The following CRYBG3 variants were observed in gnomAD, a reference collection of about 807,000 sequenced individuals.
CRYBG3 encodes the protein crystallin beta-gamma domain containing 3.
Under a neutral mutation model 244.2 loss-of-function variants are expected in CRYBG3, and 127 were observed. The observed-to-expected ratio is 0.52, with a 90% CI of 0.45 to 0.60. The LOEUF (loss-of-function observed/expected upper bound fraction) is 0.60. Among genes scored for constraint, CRYBG3 ranks in the 20% least tolerant of loss-of-function variants. CRYBG3 has a pLI of 0.00. For missense variants in CRYBG3, 3,325 were observed against 3,442.5 expected (o/e 0.97, Z 0.85); for synonymous variants, 1,132 against 1,195.8 (o/e 0.95, Z 1.10).
chr3:97,903,463 A>G (rs982373997), intron 15 of CRYBG3, among the ~76,000 whole-genome samples: 1 of 152,194 alleles, frequency 6.6e-6, no homozygotes, highest in African/African-American at 2.4e-5. Context: ...AATATATAAC[A>G]CTACAATATG....
At chr3:97,828,840 A>T (rs1559710600) in intron 1 of CRYBG3, among the ~76,000 whole-genome samples, 1 of 151,568 alleles carries the variant, frequency 6.6e-6, no homozygotes, top group African/African-American at 2.4e-5. Flanking sequence ...AAAAAAAAAA[A>T]AAAAATAACA....
intron 3 of CRYBG3, among the ~76,000 whole-genome samples, chr3:97,869,346 T>C (rs1175373522): frequency 1.3e-5 from 2 of 152,164 alleles, no homozygotes; most frequent in Non-Finnish European, 2.9e-5. Context: ...GTATGAAGTA[T>C]CACTACATTA....
chr3:97,870,676 C>T (rs2039292150), intron 3 of CRYBG3, among the ~76,000 whole-genome samples: 1 of 152,064 alleles, frequency 6.6e-6, no homozygotes, highest in Admixed American at 6.6e-5. Context: ...TTGATTATCA[C>T]ATATAAGAAT....
At position 97,892,919 on chromosome 3, in the gene CRYBG3, A is replaced by G; in HGVS notation, c.7500A>G (p.Ile2500Met). Residue 2500 changes from isoleucine (I) to methionine (M), a missense_variant, in exon 11 of 22, where the codon ATA becomes ATG. Transcript: ENST00000389622. ...AGGCTAAAGAGTTTAGTGAACATAT[A>G]GATTCTGTTCCTAATTTTTTGAAAA... ...HGQAKEFSEHIDSVPNFLKNN... is the reference protein window; with the variant it reads ...HGQAKEFSEHMDSVPNFLKNN... 1 of 1,581,894 alleles carries G rather than the reference A, an allele frequency of 6.3e-7. No individual in the cohort carries two copies. The highest frequency in any genetic ancestry group is 1.1e-5 in the South Asian group (1 of 88,246).
At chr3:97,909,539 T>C (rs2039836336) in intron 15 of CRYBG3, among the ~76,000 whole-genome samples, 1 of 151,826 alleles carries the variant, frequency 6.6e-6, no homozygotes, top group Admixed American at 6.6e-5. Flanking sequence ...GTTGATTGCA[T>C]TGGCTCCTGA....
At chr3:97,851,591 C>A (rs1351754153) in intron 2 of CRYBG3, among the ~76,000 whole-genome samples, 1 of 152,026 alleles carries the variant, frequency 6.6e-6, no homozygotes, top group Non-Finnish European at 1.5e-5. Flanking sequence ...CAAAGATACA[C>A]AGTAGTGTGA....
At chr3:97,886,053 A>G (rs571271079) in intron 7 of CRYBG3, among the ~76,000 whole-genome samples, 2 of 152,284 alleles carry the variant, frequency 1.3e-5, no homozygotes, top group African/African-American at 2.4e-5. Context: ...TAAAGGGTCA[A>G]TTTCATAATG....
chr3:97,879,463 G>A (rs947237422), intron 4 of CRYBG3, among the ~76,000 whole-genome samples: 4 of 152,128 alleles, frequency 2.6e-5, no homozygotes, highest in Non-Finnish European at 5.9e-5. Flanking sequence ...GCTTAGTAGA[G>A]CTATGCAAAT....
intron 2 of CRYBG3, among the ~76,000 whole-genome samples, chr3:97,845,186 C>T (rs532657714): frequency 6.6e-6 from 1 of 152,152 alleles, no homozygotes; most frequent in South Asian, 2.1e-4. Flanking sequence ...GCAGCATTTC[C>T]CAGTTGATCA....
chr3:97,838,511 G>T (rs189701829), intron 1 of CRYBG3, among the ~76,000 whole-genome samples: 1 of 152,066 alleles, frequency 6.6e-6, no homozygotes, highest in Non-Finnish European at 1.5e-5. Flanking sequence ...TTCCTTGACA[G>T]TCGGGCCCAG....
chr3:97,864,966 A>G, intron 3 of CRYBG3, among the ~76,000 whole-genome samples: 1 of 152,128 alleles, frequency 6.6e-6, no homozygotes, highest in East Asian at 1.9e-4. Flanking sequence ...TTTCGGGGAA[A>G]ATGGTCCTCA....
chr3:97,929,280 T>C (rs1184448789), intron 17 of CRYBG3, among the ~76,000 whole-genome samples: 1 of 152,012 alleles, frequency 6.6e-6, no homozygotes, highest in Non-Finnish European at 1.5e-5. Context: ...AAATATTTTT[T>C]TTTTTATGCT....
chr3:97,893,220 C>T (rs1397544068), intron 11 of CRYBG3, among the ~76,000 whole-genome samples: 1 of 152,166 alleles, frequency 6.6e-6, no homozygotes, highest in African/African-American at 2.4e-5. Flanking sequence ...GAAACTGCAG[C>T]ACCTTGTATT....
At chr3:97,853,815 T>C (rs1026457124) in intron 2 of CRYBG3, among the ~76,000 whole-genome samples, 2 of 150,588 alleles carry the variant, frequency 1.3e-5, no homozygotes, top group Middle Eastern at 3.4e-3. Flanking sequence ...TTGATTTGCA[T>C]TTCCCTGATA....
At chr3:97,857,542 T>C (rs940823334) in intron 2 of CRYBG3, among the ~76,000 whole-genome samples, 1 of 151,978 alleles carries the variant, frequency 6.6e-6, no homozygotes, top group Non-Finnish European at 1.5e-5. Context: ...CCGTCTTGAG[T>C]GCATGTAGAT....
At position 97,874,102 on chromosome 3, in the gene CRYBG3, T is replaced by C; in HGVS notation, c.2908T>C (p.Ser970Pro). The change falls in exon 4 of 22, where the codon TCT becomes CCT. Residue 970 changes from serine (S) to proline (P), a missense_variant. Ser to Pro is a moderately conservative substitution (Grantham distance 74). Around this residue, in one of 4 missense-constraint regions of CRYBG3, gnomAD observed 1,526 missense variants for 1,443.2 expected, o/e 1.06. Transcript: ENST00000389622. Reference protein sequence around the residue: ...CEAHTCVFHQSLDICGTKKIS... With the variant: ...CEAHTCVFHQPLDICGTKKIS... The stretch of plus-strand genomic sequence containing the variant: ...AGCTCACACTTGTGTGTTTCATCAA[T>C]CTTTGGATATTTGTGGGACTAAAAA... 2 of 1,535,652 alleles carry C rather than the reference T, an allele frequency of 1.3e-6. No individual in the cohort carries two copies. The highest frequency in any genetic ancestry group is 8.7e-7 in the Non-Finnish European group (1 of 1,146,756).
At chr3:97,849,790 G>A (rs1382594396) in intron 2 of CRYBG3, among the ~76,000 whole-genome samples, 1 of 152,170 alleles carries the variant, frequency 6.6e-6, no homozygotes, top group African/African-American at 2.4e-5. Flanking sequence ...ACGAGAGTGA[G>A]CGCCAGAAAG....
At chr3:97,918,849 A>G (rs1179598134) in intron 17 of CRYBG3, among the ~76,000 whole-genome samples, 1 of 152,136 alleles carries the variant, frequency 6.6e-6, no homozygotes, top group Non-Finnish European at 1.5e-5. Flanking sequence ...CAAGGTCACA[A>G]TCACAGAGTC....
chr3:97,861,945 A>G (rs17301556), intron 2 of CRYBG3, among the ~76,000 whole-genome samples: 33,268 of 152,066 alleles, frequency 0.22, 4,143 homozygotes, highest in Middle Eastern at 0.3. Flanking sequence ...AAGGTGTTTT[A>G]ATTACGAATA....
Sources: gnomAD v4.1 joint callset for allele counts (sites outside exome capture counted in the v4.1 genomes callset) on GRCh38, gnomAD v4.1.1 for gene constraint, gnomAD v4.1.1 regional missense constraint, MANE v1.5 for transcripts, NCBI Gene and HGNC (gene_info 2026-07-23, HGNC 2026-07-21) for gene names.